The following NEBL variants were observed in gnomAD, a reference collection of about 807,000 sequenced individuals.
NEBL encodes nebulette.
Under a neutral mutation model 140.2 loss-of-function variants are expected in NEBL, and 122 were observed. The ratio of observed to expected loss-of-function variants is 0.87; its 90% confidence interval spans 0.75 to 1.01. The LOEUF is 1.01. Ranked by LOEUF, NEBL falls within the 50% of genes least tolerant of loss-of-function variation. The pLI is 0.00. For synonymous variants in NEBL, 436 were observed against 398.9 expected (o/e 1.09, Z -1.11); for missense variants, 1,365 against 1,231.3 (o/e 1.11, Z -1.62).
intron 2 of NEBL, chr10:21,170,694 AT>A (rs1270246927): frequency 6.6e-6 from 1 of 152,574 alleles, no homozygotes; most frequent in Non-Finnish European, 1.5e-5. Flanking sequence ...CCATTTTCTG[AT>A]TTCTTGAAAA....
intron 3 of NEBL, among the ~76,000 whole-genome samples, chr10:21,192,984 AG>A (rs1421034895): frequency 6.6e-6 from 1 of 152,178 alleles, no homozygotes; most frequent in Non-Finnish European, 1.5e-5. Flanking sequence ...TTTATTCCAG[AG>A]GTGGAAAATC....
intron 2 of NEBL, among the ~76,000 whole-genome samples, chr10:21,076,919 G>T (rs1002449123): frequency 7.2e-5 from 11 of 152,072 alleles, no homozygotes; most frequent in Non-Finnish European, 1.6e-4. Context: ...GAAATGGGGG[G>T]TTAGTGTTTC....
intron 18 of NEBL, among the ~76,000 whole-genome samples, chr10:20,824,980 T>C (rs997342675): frequency 1.1e-4 from 16 of 152,204 alleles, no homozygotes; most frequent in African/African-American, 3.9e-4. Context: ...ACACAGGCTC[T>C]CACCATGAAA....
chr10:21,273,181 G>T (rs1842879309), intron 1 of NEBL, among the ~76,000 whole-genome samples: 1 of 152,104 alleles, frequency 6.6e-6, no homozygotes, highest in African/African-American at 2.4e-5. Flanking sequence ...GTGGGGAGGT[G>T]AGAGTTCCCT....
rs770867252 is a variant in NEBL at position 20,840,115 on chromosome 10, ATCAT to A, written c.1338+620_1338+623del. Among the ~76,000 whole-genome samples, 172 of 152,160 alleles carry A rather than the reference ATCAT, an allele frequency of 1.1e-3. 1 individual carries two copies. The highest frequency in any genetic ancestry group is 1.8e-3 in the Non-Finnish European group (124 of 68,030). On this transcript the variant is annotated intron_variant, in intron 13 of 27. Transcript: ENST00000377122. Reference sequence around the variant, plus strand: ...CACCATCGTCATCGCTATCATCATCATCATTATCATCAGAGTTTCAAAATATGGG... The same window carrying A: ...CACCATCGTCATCGCTATCATCATCATATCATCAGAGTTTCAAAATATGGG...
At chr10:20,848,291 T>A (rs1466749143) in intron 11 of NEBL, among the ~76,000 whole-genome samples, 1 of 152,232 alleles carries the variant, frequency 6.6e-6, no homozygotes, top group Non-Finnish European at 1.5e-5. Context: ...AAAGGTAATC[T>A]AGGGAAATTT....
At chr10:20,944,540 A>G (rs1482267371) in intron 4 of NEBL, among the ~76,000 whole-genome samples, 2 of 152,232 alleles carry the variant, frequency 1.3e-5, no homozygotes, top group South Asian at 2.1e-4. Context: ...ATTTCTCTCT[A>G]TATTTGTATG....
In NEBL at chr10:21,061,321, A is replaced by ATTATGTGATATGTAACATG. The variant is rs1564497109; in HGVS notation, c.165-41121_165-41120insCATGTTACATATCACATAA. Among the ~76,000 whole-genome samples the ATTATGTGATATGTAACATG allele has an allele frequency of 4.2e-3, 529 of 127,320 alleles. 11 individuals carry two copies. Among genetic ancestry groups the ATTATGTGATATGTAACATG allele is most frequent in the African/African-American group, 7.3e-3 (237 of 32,402 alleles). The allele number at this position is 127,320 out of a possible 152,430, so 83.5% of individuals were successfully genotyped here. The stretch of plus-strand genomic sequence containing the variant: ...TTACATATTATGTGATATGTAATAT[A>ATTATGTGATATGTAACATG]TTACATATTATGTGATATGTAATAT... On this transcript the variant is annotated intron_variant, in intron 2 of 6. Transcript: ENST00000417816.
chr10:20,801,792 C>T (rs116395454), intron 26 of NEBL, among the ~76,000 whole-genome samples: 60 of 152,194 alleles, frequency 3.9e-4, no homozygotes, highest in Middle Eastern at 3.4e-3. Flanking sequence ...CCAGAATGTA[C>T]TGAAGCATCT....
chr10:21,045,712 C>T (rs529566751), intron 2 of NEBL, among the ~76,000 whole-genome samples: 2 of 152,196 alleles, frequency 1.3e-5, no homozygotes, highest in African/African-American at 4.8e-5. Context: ...AAAAAGACAA[C>T]ACATGTTGGC....
At chr10:21,131,214 C>G (rs2132070373) in intron 2 of NEBL, among the ~76,000 whole-genome samples, 1 of 152,250 alleles carries the variant, frequency 6.6e-6, no homozygotes, top group South Asian at 2.1e-4. Flanking sequence ...TCTGAAGAAG[C>G]CCATATCTGT....
intron 26 of NEBL, among the ~76,000 whole-genome samples, chr10:20,802,778 C>T (rs1837237527): frequency 6.6e-6 from 1 of 152,194 alleles, no homozygotes; most frequent in South Asian, 2.1e-4. Flanking sequence ...CTGTGACTCT[C>T]ATAACTGCCC....
At chr10:20,890,675 T>C (rs1846955017) in intron 2 of NEBL, among the ~76,000 whole-genome samples, 1 of 152,220 alleles carries the variant, frequency 6.6e-6, no homozygotes, top group African/African-American at 2.4e-5. Flanking sequence ...TCATCTCTTC[T>C]CTGCAACTCA....
chr10:21,113,840 A>G (rs915442989), intron 2 of NEBL, among the ~76,000 whole-genome samples: 1 of 152,154 alleles, frequency 6.6e-6, no homozygotes, highest in Non-Finnish European at 1.5e-5. Context: ...CAGTATTTTA[A>G]TAAAGTAAAA....
intron 4 of NEBL, among the ~76,000 whole-genome samples, chr10:20,882,926 T>G (rs1846152335): frequency 6.6e-6 from 1 of 152,150 alleles, no homozygotes; most frequent in Non-Finnish European, 1.5e-5. Flanking sequence ...CCTAGCTGCG[T>G]CTATGTGGCC....
chr10:21,211,038 C>G (rs1214080553), intron 3 of NEBL, among the ~76,000 whole-genome samples: 1 of 152,102 alleles, frequency 6.6e-6, no homozygotes, highest in Non-Finnish European at 1.5e-5. Flanking sequence ...TCCTCAGTCA[C>G]GTTTTCTTTG....
At chr10:20,822,249 C>T (rs1465787525) in intron 19 of NEBL, among the ~76,000 whole-genome samples, 2 of 152,000 alleles carry the variant, frequency 1.3e-5, no homozygotes, top group Non-Finnish European at 2.9e-5. Context: ...CTTTAAAATC[C>T]CCCAAGAACA....
At chr10:21,020,241 G>T (rs1838732643) in intron 2 of NEBL, 15 of 1,553,698 alleles carry the variant, frequency 9.7e-6, no homozygotes, top group Non-Finnish European at 1.3e-5. Flanking sequence ...TTAAAATATT[G>T]TGCTACAAAA....
chr10:20,941,109 C>A (rs1481891077), intron 4 of NEBL, among the ~76,000 whole-genome samples: 1 of 152,134 alleles, frequency 6.6e-6, no homozygotes, highest in Admixed American at 6.5e-5. Flanking sequence ...ATCCTGATAC[C>A]AAAGCCTGGC....
Sources: allele counts gnomAD v4.1 joint callset (sites outside exome capture counted in the v4.1 genomes callset), GRCh38; gene constraint gnomAD v4.1.1; transcripts MANE v1.5; gene names NCBI Gene and HGNC (gene_info 2026-07-23, HGNC 2026-07-21).